Variants in ARMC3 observed in about 807,000 individuals in gnomAD.
ARMC3 encodes armadillo repeat containing 3.
ARMC3 carries 74 observed loss-of-function variants against 90.3 expected under a neutral mutation model. The observed-to-expected ratio is 0.82, with a 90% CI of 0.68 to 0.99. The LOEUF is 0.99. ARMC3 is among the 50% of genes least tolerant of loss of function. The pLI is 0.00. For synonymous variants in ARMC3, 334 were observed against 361.8 expected (o/e 0.92, Z 0.87); for missense variants, 958 against 1,042.8 (o/e 0.92, Z 1.12).
chr10:22,973,617 A>AT (rs1835771660), intron 8 of ARMC3, among the ~76,000 whole-genome samples: 1 of 151,518 alleles, frequency 6.6e-6, no homozygotes, highest in Non-Finnish European at 1.5e-5. Flanking sequence ...TTTTAGTTCA[A>AT]TTTTATAAAT....
chr10:22,999,839 T>G lies in ARMC3; in HGVS notation c.1425+1442T>G, dbSNP rs139298393. ...GTCTCCCTTGTTTGTTCCCATTGAC[T>G]CACTTCATTTGTGCTCACCCACTCA... On this transcript the variant is annotated intron_variant, in intron 11 of 18. Transcript: ENST00000298032. Among the ~76,000 whole-genome samples, 58 of 152,282 alleles carry G rather than the reference T, an allele frequency of 3.8e-4. 2 individuals carry two copies. The East Asian group carries it at 0.01, about 27-fold the overall frequency.
chr10:22,975,542 G>A (rs1283714266), intron 8 of ARMC3, among the ~76,000 whole-genome samples: 1 of 152,098 alleles, frequency 6.6e-6, no homozygotes, highest in African/African-American at 2.4e-5. Flanking sequence ...TCCAGCCTGG[G>A]CAACAACAGA....
At chr10:22,976,707 C>T (rs1486043640) in intron 8 of ARMC3, among the ~76,000 whole-genome samples, 1 of 152,168 alleles carries the variant, frequency 6.6e-6, no homozygotes, top group East Asian at 1.9e-4. Flanking sequence ...CTAATTCTGA[C>T]CTGTCTTCTG....
At chr10:22,992,763 T>C (rs1009338048) in intron 10 of ARMC3, among the ~76,000 whole-genome samples, 10 of 152,130 alleles carry the variant, frequency 6.6e-5, no homozygotes, top group African/African-American at 2.4e-4. Flanking sequence ...TTACCTTTGT[T>C]GAGAAACTGG....
chr10:22,937,042 A>G (rs921265070), intron 2 of ARMC3, among the ~76,000 whole-genome samples: 1 of 152,038 alleles, frequency 6.6e-6, no homozygotes, highest in Non-Finnish European at 1.5e-5. Context: ...AGCCGGGACT[A>G]AAGGCATACA....
chr10:23,032,807 A>T, intron 17 of ARMC3, 54 bp from the exon 18 acceptor site: 3 of 1,529,286 alleles, frequency 2.0e-6, no homozygotes, highest in Non-Finnish European at 2.7e-6. Flanking sequence ...CACTCAAAGC[A>T]TCCTAAGCGA....
Position 22,968,488 on chromosome 10 carries a change from T to A in ARMC3, c.915T>A (p.Asp305Glu), listed in dbSNP as rs774492383. The part of the protein sequence containing the change: ...AAKAITKAAY[D>E]PENRKLFHEQ... ...AAGCCATTACTAAAGCAGCTTATGA[T>A]CGTATGTCTCATTTTATTTTATTTA... The change falls in exon 8 of 19, where the codon GAT (aspartate) becomes GAA (glutamate). Residue 305 changes from aspartate to glutamate, a missense_variant and splice_region_variant. Asp to Glu is a conservative substitution (Grantham distance 45). Coordinates refer to ENST00000298032, the MANE Select transcript of ARMC3 (RefSeq NM_173081.5). 1 of 1,568,236 alleles carries A rather than the reference T, an allele frequency of 6.4e-7. No homozygotes were observed. Among genetic ancestry groups the A allele is most frequent in the Middle Eastern group, 1.7e-4 (1 of 5,746 alleles).
At chr10:22,938,679 C>T (rs952211543) in intron 2 of ARMC3, among the ~76,000 whole-genome samples, 1 of 151,914 alleles carries the variant, frequency 6.6e-6, no homozygotes, top group Admixed American at 6.6e-5. Context: ...AGAGATCAAG[C>T]CTGAGCAATG....
intron 10 of ARMC3, among the ~76,000 whole-genome samples, chr10:22,991,434 T>A (rs947789573): frequency 6.6e-6 from 1 of 151,976 alleles, no homozygotes; most frequent in Non-Finnish European, 1.5e-5. Context: ...GACTGTAGGT[T>A]TTTTTTTGTT....
Position 23,006,982 on chromosome 10 carries a change from G to A in ARMC3, c.1829+1G>A, listed in dbSNP as rs1209787017. 6.3e-7 allele frequency: 1 copy of A among 1,599,580 alleles called. No homozygotes were observed. Among genetic ancestry groups the A allele is most frequent in the Non-Finnish European group, 8.5e-7 (1 of 1,172,094 alleles). ...TCTTAATCAACAGTAAATCTTACGT[G>A]TGAGTCTCTGCAGGGAGAGGGGATG... On this transcript the variant is annotated splice_donor_variant, in intron 14 of 18. Coordinates refer to ENST00000298032, the MANE Select transcript of ARMC3 (RefSeq NM_173081.5). LOFTEE classifies it high-confidence loss of function.
chr10:22,977,690 G>T (rs1056488093), intron 8 of ARMC3, among the ~76,000 whole-genome samples: 1 of 152,162 alleles, frequency 6.6e-6, no homozygotes, highest in Non-Finnish European at 1.5e-5. Flanking sequence ...TGCCAGGTAG[G>T]TCTTCAAATT....
chr10:22,937,201 T>A (rs1188572901), intron 2 of ARMC3, among the ~76,000 whole-genome samples: 3 of 152,170 alleles, frequency 2.0e-5, no homozygotes, highest in Non-Finnish European at 4.4e-5. Context: ...CTGCACCTGG[T>A]CTTTAAAATT....
chr10:23,030,518 C>T (rs1333491580), intron 16 of ARMC3, 78 bp from the exon 17 acceptor site: 57 of 1,524,364 alleles, frequency 3.7e-5, no homozygotes, highest in Non-Finnish European at 4.8e-5. Context: ...CTGTGATGCT[C>T]TTTTCAGAAA....
chr10:23,004,775 C>G (rs1333240650), intron 13 of ARMC3, among the ~76,000 whole-genome samples: 1 of 152,154 alleles, frequency 6.6e-6, no homozygotes, highest in Non-Finnish European at 1.5e-5. Flanking sequence ...CTCTTACTCT[C>G]CCTTCTGCCT....
At chr10:22,993,604 T>C (rs1372481992) in intron 10 of ARMC3, among the ~76,000 whole-genome samples, 1 of 152,170 alleles carries the variant, frequency 6.6e-6, no homozygotes, top group Non-Finnish European at 1.5e-5. Context: ...AATACATTGA[T>C]CTTCTCAGCA....
intron 2 of ARMC3, among the ~76,000 whole-genome samples, chr10:22,939,926 C>T (rs1834257285): frequency 6.6e-6 from 1 of 152,012 alleles, no homozygotes; most frequent in Non-Finnish European, 1.5e-5. Flanking sequence ...CAATTAAGAC[C>T]CAACCATATC....
intron 8 of ARMC3, among the ~76,000 whole-genome samples, chr10:22,977,916 C>T (rs1836003154): frequency 6.6e-6 from 1 of 152,206 alleles, no homozygotes; most frequent in South Asian, 2.1e-4. Flanking sequence ...AGGATTTCCC[C>T]TAAGGACTCT....
intron 14 of ARMC3, among the ~76,000 whole-genome samples, chr10:23,007,713 AAAAAG>A (rs1285694302): frequency 5.0e-5 from 3 of 60,412 alleles, no homozygotes; most frequent in Non-Finnish European, 5.7e-5. Context: ...AAAAAAAAAA[AAAAAG>A]AGAGAGAGCG....
At chr10:22,996,952 A>G (rs1199935008) in intron 10 of ARMC3, among the ~76,000 whole-genome samples, 1 of 151,634 alleles carries the variant, frequency 6.6e-6, no homozygotes, top group African/African-American at 2.4e-5. Context: ...GGTTATTATT[A>G]TATAGTCCTA....
Sources: gnomAD v4.1 joint callset for allele counts (sites outside exome capture counted in the v4.1 genomes callset) on GRCh38, gnomAD v4.1.1 for gene constraint, MANE v1.5 for transcripts, NCBI Gene and HGNC (gene_info 2026-07-23, HGNC 2026-07-21) for gene names.